ZNF81: variants seen among roughly 807,000 people sequenced by gnomAD.
ZNF81 encodes the protein zinc finger protein 81 (HFZ20).
Under a neutral mutation model 32.3 loss-of-function variants are expected in ZNF81, and 5 were observed. That is an observed-to-expected ratio of 0.15 (90% CI 0.08 to 0.33). The LOEUF (loss-of-function observed/expected upper bound fraction) is 0.33. Ranked by LOEUF, ZNF81 falls within the 10% of genes least tolerant of loss-of-function variation. The probability of loss-of-function intolerance (pLI) is 1.00; values close to 1 mark genes in which losing one functional copy is unlikely to be tolerated. For missense variants in ZNF81, 379 were observed against 479.8 expected (o/e 0.79, Z 1.96); for synonymous variants, 163 against 166.8 (o/e 0.98, Z 0.17).
rs953141403 is a variant in ZNF81, at chrX:47,894,278, G to A, written c.182-1567G>A. ...GCAGGTGAGGGTGATCAAATATTAC[G>A]TGGGGGATAGTACAAGATGAGGAAT... On this transcript the variant is annotated intron_variant, in intron 3 of 4. Transcript: ENST00000338637. Among the ~76,000 whole-genome samples the A allele has an allele frequency of 3.6e-5, 4 of 111,300 alleles. No individual in the cohort carries two copies. The Admixed American group carries it at 3.8e-4, about 11-fold the overall frequency.
intron 4 of ZNF81, among the ~76,000 whole-genome samples, chrX:47,897,102 T>A (rs2058682273): frequency 8.9e-6 from 1 of 112,229 alleles, no homozygotes; most frequent in South Asian, 3.7e-4. Context: ...AGATTGGAAC[T>A]GCTAGGTCAT....
At chrX:47,853,300 G>A (rs988285392) in intron 2 of ZNF81, among the ~76,000 whole-genome samples, 3 of 108,735 alleles carry the variant, frequency 2.8e-5, no homozygotes, top group Non-Finnish European at 5.7e-5. Context: ...TCCTGCCTCA[G>A]CCTCCCGAGT....
intron 3 of ZNF81, among the ~76,000 whole-genome samples, chrX:47,893,981 C>T (rs782440424): frequency 3.6e-5 from 4 of 110,906 alleles, no homozygotes; most frequent in Non-Finnish European, 7.6e-5. Flanking sequence ...TGATCTTATC[C>T]GAGTTGTAGC....
At chrX:47,892,888 C>T (rs1277379637) in intron 3 of ZNF81, among the ~76,000 whole-genome samples, 1 of 112,418 alleles carries the variant, frequency 8.9e-6, no homozygotes, top group Non-Finnish European at 1.9e-5. Context: ...GGGTGGTGAG[C>T]ATAGGCTCTT....
intron 1 of ZNF81, among the ~76,000 whole-genome samples, chrX:47,845,355 C>T (rs2058466219): frequency 9.0e-6 from 1 of 111,426 alleles, no homozygotes; most frequent in African/African-American, 3.3e-5. Flanking sequence ...CTAGTTCCCT[C>T]AACGAGGAAA....
chrX:47,837,093 T>C (rs1167368944), intron 1 of ZNF81, 106 bp downstream of exon 1: 2 of 132,103 alleles, frequency 1.5e-5, no homozygotes, highest in African/African-American at 6.3e-5. Flanking sequence ...TTTGCAGGCT[T>C]TTCTCTTTTC....
At chrX:47,869,670 T>G (rs1419396222) in intron 2 of ZNF81, among the ~76,000 whole-genome samples, 1 of 91,741 alleles carries the variant, frequency 1.1e-5, no homozygotes, top group Non-Finnish European at 2.1e-5. Context: ...GTATTTTTTG[T>G]TTTTTTTTAT....
At chrX:47,897,280 A>G (rs2058682897) in intron 4 of ZNF81, among the ~76,000 whole-genome samples, 1 of 112,352 alleles carries the variant, frequency 8.9e-6, no homozygotes, top group African/African-American at 3.2e-5. Flanking sequence ...AGCGGATATT[A>G]TAATTTAAAG....
At chrX:47,898,205 G>T (rs2058686353) in intron 4 of ZNF81, among the ~76,000 whole-genome samples, 1 of 111,382 alleles carries the variant, frequency 9.0e-6, no homozygotes. Context: ...CCTGGCCCTG[G>T]GGTGATTAGA....
At chrX:47,862,055 A>C (rs2058542373) in intron 2 of ZNF81, among the ~76,000 whole-genome samples, 1 of 111,487 alleles carries the variant, frequency 9.0e-6, no homozygotes, top group African/African-American at 3.3e-5. Flanking sequence ...CCCTCTAGGA[A>C]GTTCCTCCTA....
intron 2 of ZNF81, among the ~76,000 whole-genome samples, chrX:47,862,483 A>T (rs369941699): frequency 9.4e-6 from 1 of 106,658 alleles, no homozygotes; most frequent in Non-Finnish European, 1.9e-5. Context: ...AGATCATGCC[A>T]TTGCACTCCA....
chrX:47,913,969 AG>A (rs1391949837), intron 4 of ZNF81, among the ~76,000 whole-genome samples: 3 of 111,795 alleles, frequency 2.7e-5, no homozygotes, highest in Non-Finnish European at 5.6e-5. Flanking sequence ...TTTAATATTT[AG>A]GCAAGAAGAT....
chrX:47,853,471 T>C (rs12396072), intron 2 of ZNF81, among the ~76,000 whole-genome samples: 48,062 of 110,773 alleles, frequency 0.43, 7,814 homozygotes, highest in East Asian at 0.61. Context: ...TGAGCCACCG[T>C]GCCCGGCCGA....
Position 47,916,361 on chromosome X carries a change from A to T in ZNF81, c.1715A>T (p.His572Leu). Reference sequence around the variant, plus strand: ...ATCCAGAAGTCAGAGTTGATTACACATCAGAGAATTCATACTACAGAGAAG... The same window carrying T: ...ATCCAGAAGTCAGAGTTGATTACACTTCAGAGAATTCATACTACAGAGAAG... ...AFIQKSELIT[H>L]QRIHTTEKPY... Residue 572 changes from histidine to leucine, a missense_variant, in exon 5 of 5, where the codon CAT becomes CTT. Coordinates refer to ENST00000338637, the MANE Select transcript of ZNF81 (RefSeq NM_007137.5). 8.3e-7 allele frequency: 1 copy of T among 1,211,872 alleles called. No homozygotes were observed. Among genetic ancestry groups the T allele is most frequent in the Non-Finnish European group, 1.1e-6 (1 of 895,549 alleles).
At chrX:47,853,341 C>G (rs1161134028) in intron 2 of ZNF81, among the ~76,000 whole-genome samples, 1 of 110,078 alleles carries the variant, frequency 9.1e-6, no homozygotes, top group African/African-American at 3.3e-5. Flanking sequence ...GCCACCACGC[C>G]CAGCTAATTT....
rs781814550 is a variant in ZNF81 at position 47,922,805 on chromosome X, C to T, written c.*6173C>T. 1.2e-3 allele frequency among the ~76,000 whole-genome samples: 133 copies of T among 111,792 alleles called. No individual in the cohort carries two copies. The highest frequency in any genetic ancestry group is 4.2e-3 in the African/African-American group (130 of 30,798). On this transcript the variant is annotated 3_prime_UTR_variant, in exon 5 of 5. Coordinates refer to ENST00000338637, the MANE Select transcript of ZNF81 (RefSeq NM_007137.5). ...CTGGAGATCCGAATCACGGTGTCAG[C>T]AGGGTCATGCTCCCTCTGAAGGTGC...
intron 1 of ZNF81, chrX:47,841,107 G>A (rs2058447606): frequency 2.3e-5 from 20 of 863,311 alleles, no homozygotes; most frequent in Middle Eastern, 4.0e-4. Context: ...AGATCTCCTC[G>A]AAATGTTTCC....
At chrX:47,890,676 A>G (rs1460630954) in intron 3 of ZNF81, among the ~76,000 whole-genome samples, 1 of 111,948 alleles carries the variant, frequency 8.9e-6, no homozygotes, top group African/African-American at 3.2e-5. Context: ...TCTGGTCCCC[A>G]CTGAAAACTA....
intron 2 of ZNF81, among the ~76,000 whole-genome samples, chrX:47,852,207 T>G (rs2058498443): frequency 8.9e-6 from 1 of 112,431 alleles, no homozygotes; most frequent in South Asian, 3.6e-4. Context: ...ACATGAGCCT[T>G]TGGTGGGTCA....
Sources: allele counts gnomAD v4.1 joint callset (sites outside exome capture counted in the v4.1 genomes callset), GRCh38; gene constraint gnomAD v4.1.1; transcripts MANE v1.5; gene names NCBI Gene and HGNC (gene_info 2026-07-23, HGNC 2026-07-21).